KLHL1: variants seen among roughly 807,000 people sequenced by gnomAD.
The protein encoded by KLHL1 is kelch like family member 1, also known as kelch-like protein 1.
A neutral mutation model predicts 77.7 loss-of-function variants in KLHL1; 47 were observed. The observed-to-expected ratio is 0.60, with a 90% CI of 0.48 to 0.77. The LOEUF (loss-of-function observed/expected upper bound fraction) is 0.77. KLHL1 is among the 30% of genes least tolerant of loss of function. The pLI is 0.00. For synonymous variants in KLHL1, 360 were observed against 325.2 expected, an observed-to-expected ratio of 1.11 and a Z score of -1.15; for missense variants, 925 against 910.8, an observed-to-expected ratio of 1.02 and a Z score of -0.20.
At chr13:69,793,370 A>T (rs1445383641) in intron 7 of KLHL1, among the ~76,000 whole-genome samples, 1 of 152,074 alleles carries the variant, frequency 6.6e-6, no homozygotes, top group African/African-American at 2.4e-5. Flanking sequence ...ACAGAATTTA[A>T]ATGAATATAA....
chr13:70,046,078 A>T (rs1207850182), intron 1 of KLHL1, among the ~76,000 whole-genome samples: 1 of 152,238 alleles, frequency 6.6e-6, no homozygotes, highest in East Asian at 1.9e-4. Context: ...TTTGGGTACC[A>T]GGTCAAATTG....
intron 3 of KLHL1, among the ~76,000 whole-genome samples, chr13:69,946,493 G>A (rs1272936527): frequency 1.3e-5 from 2 of 151,780 alleles, no homozygotes; most frequent in Non-Finnish European, 2.9e-5. Context: ...TGAGGATTGT[G>A]ATTTTTTTTC....
intron 3 of KLHL1, among the ~76,000 whole-genome samples, chr13:69,959,236 T>C (rs547825618): frequency 6.6e-6 from 1 of 152,136 alleles, no homozygotes; most frequent in East Asian, 1.9e-4. Flanking sequence ...GAGTATCTTT[T>C]GACCTAGTTT....
chr13:69,758,428 A>AT (rs1874867738), intron 7 of KLHL1, among the ~76,000 whole-genome samples: 1 of 151,918 alleles, frequency 6.6e-6, no homozygotes, highest in Admixed American at 6.6e-5. Flanking sequence ...TATCTGTACC[A>AT]TTTTTTCCTT....
At chr13:69,950,730 G>A (rs948778376) in intron 3 of KLHL1, among the ~76,000 whole-genome samples, 2 of 151,342 alleles carry the variant, frequency 1.3e-5, no homozygotes, top group Non-Finnish European at 3.0e-5. Flanking sequence ...TCTTGAATTC[G>A]GCAGAGATAA....
intron 1 of KLHL1, among the ~76,000 whole-genome samples, chr13:70,106,786 G>A (rs987869036): frequency 1.3e-5 from 2 of 152,138 alleles, no homozygotes; most frequent in Non-Finnish European, 2.9e-5. Context: ...TAGATAATAT[G>A]CTAAGTCAGT....
intron 1 of KLHL1, among the ~76,000 whole-genome samples, chr13:70,069,463 G>A (rs1887089888): frequency 6.6e-6 from 1 of 151,948 alleles, no homozygotes. Context: ...TGCTAAACAG[G>A]CAAAAACAAA....
At chr13:70,024,620 T>TTCTCTCTCTCTCTCTCTTTC (rs71116979) in intron 1 of KLHL1, among the ~76,000 whole-genome samples, 4 of 130,288 alleles carry the variant, frequency 3.1e-5, no homozygotes, top group South Asian at 2.7e-4. Flanking sequence ...GAGAAAAGAT[T>TTCTCTCTCTCTCTCTCTTTC]TCTCTCTCTC....
chr13:69,851,308 T>C (rs1420357771), intron 5 of KLHL1, among the ~76,000 whole-genome samples: 2 of 151,776 alleles, frequency 1.3e-5, no homozygotes, highest in African/African-American at 4.8e-5. Flanking sequence ...CCTTTAGTTC[T>C]TTTACAAAAT....
intron 7 of KLHL1, among the ~76,000 whole-genome samples, chr13:69,766,059 A>G (rs1286899343): frequency 1.3e-5 from 2 of 152,196 alleles, no homozygotes; most frequent in Non-Finnish European, 2.9e-5. Context: ...TACATGTGCT[A>G]ATTCTGCTTT....
At chr13:70,014,404 T>G (rs540616564) in intron 1 of KLHL1, among the ~76,000 whole-genome samples, 74 of 152,232 alleles carry the variant, frequency 4.9e-4, no homozygotes, top group African/African-American at 1.7e-3. Context: ...AATTCACTGT[T>G]GTTTGTTTAA....
chr13:69,973,161 C>A (rs1204135760), intron 2 of KLHL1, among the ~76,000 whole-genome samples: 1 of 151,912 alleles, frequency 6.6e-6, no homozygotes, highest in African/African-American at 2.4e-5. Flanking sequence ...ATATGCCTAA[C>A]AGTAAACAGA....
chr13:69,839,219 C>A, intron 5 of KLHL1, 57 bp from the exon 6 acceptor site: 3 of 1,207,856 alleles, frequency 2.5e-6, no homozygotes, highest in Admixed American at 2.3e-5. Flanking sequence ...AACATTATGT[C>A]ATTCCTTAAA....
intron 10 of KLHL1, among the ~76,000 whole-genome samples, chr13:69,706,943 T>C (rs1414058888): frequency 6.6e-6 from 1 of 151,908 alleles, no homozygotes; most frequent in Non-Finnish European, 1.5e-5. Flanking sequence ...CATTCTAGCA[T>C]GATCCTGAGT....
chr13:69,983,833 A>C (rs1463704207), intron 1 of KLHL1, among the ~76,000 whole-genome samples: 1 of 152,102 alleles, frequency 6.6e-6, no homozygotes, highest in African/African-American at 2.4e-5. Flanking sequence ...TGGCACAGGC[A>C]TAAAAATAGA....
At position 70,107,284 on chromosome 13, in the gene KLHL1, T is replaced by A; in HGVS notation, c.416A>T (p.His139Leu). Reference protein sequence around the residue: ...VVPGMDFPGPHEKGLVLQELK... With the variant: ...VVPGMDFPGPLEKGLVLQELK... The stretch of plus-strand genomic sequence containing the variant: ...CTCTTGCAGAACCAGCCCTTTTTCG[T>A]GTGGTCCAGGAAAGTCCATGCCTGG... The change falls in exon 1 of 11, where the codon CAC becomes CTC. Residue 139 changes from histidine (H) to leucine (L), a missense_variant. Physicochemically the swap from His to Leu is moderately conservative, Grantham distance 99. Coordinates refer to ENST00000377844, the MANE Select transcript of KLHL1 (RefSeq NM_020866.3). 6.2e-7 allele frequency: 1 copy of A among 1,614,160 alleles called. No individual in the cohort carries two copies. Among genetic ancestry groups the A allele is most frequent in the Non-Finnish European group, 8.5e-7 (1 of 1,180,012 alleles).
chr13:69,875,565 C>T (rs1880732378), intron 5 of KLHL1, among the ~76,000 whole-genome samples: 1 of 151,920 alleles, frequency 6.6e-6, no homozygotes, highest in African/African-American at 2.4e-5. Context: ...TTTGCTATAC[C>T]AAAGAGAGTA....
At chr13:70,038,614 G>C (rs1886298537) in intron 1 of KLHL1, among the ~76,000 whole-genome samples, 1 of 95,650 alleles carries the variant, frequency 1.0e-5, no homozygotes, top group South Asian at 3.9e-4. Flanking sequence ...TTGAGATAGA[G>C]TCTCATTCTT....
intron 7 of KLHL1, among the ~76,000 whole-genome samples, chr13:69,772,799 C>A (rs1875638198): frequency 6.6e-6 from 1 of 152,166 alleles, no homozygotes; most frequent in African/African-American, 2.4e-5. Context: ...CCTGTGTCAT[C>A]AACCAGCTTC....
Sources: gnomAD v4.1 joint callset for allele counts (sites outside exome capture counted in the v4.1 genomes callset) on GRCh38, gnomAD v4.1.1 for gene constraint, MANE v1.5 for transcripts, NCBI Gene and HGNC (gene_info 2026-07-23, HGNC 2026-07-21) for gene names.